Variants in PLEKHA2 observed in about 807,000 individuals in gnomAD.
PLEKHA2 encodes pleckstrin homology domain containing A2, also known as pleckstrin homology domain-containing family A member 2.
PLEKHA2 carries 28 observed loss-of-function variants against 53.2 expected under a neutral mutation model. The ratio of observed to expected loss-of-function variants is 0.53; its 90% CI spans 0.39 to 0.72. PLEKHA2 has a LOEUF of 0.72. PLEKHA2 is among the 30% of genes least tolerant of loss of function. The pLI, the probability that PLEKHA2 is intolerant of heterozygous loss-of-function variation, is 0.00. For missense variants in PLEKHA2, 426 were observed against 537.9 expected (o/e 0.79, Z 2.06); for synonymous variants, 193 against 196.4 (o/e 0.98, Z 0.14).
chr8:38,936,147 G>C, intron 3 of PLEKHA2, 97 bp downstream of exon 3: 1 of 1,331,104 alleles, frequency 7.5e-7, no homozygotes, highest in Non-Finnish European at 1.1e-6. Flanking sequence ...TTAGTATTTA[G>C]GGACGTTGCA....
intron 2 of PLEKHA2, among the ~76,000 whole-genome samples, chr8:38,930,609 T>C (rs1834373898): frequency 1.3e-5 from 2 of 152,124 alleles, no homozygotes; most frequent in South Asian, 4.1e-4. Flanking sequence ...GTAGACTTCC[T>C]CTCGTGGGAT....
intron 10 of PLEKHA2, among the ~76,000 whole-genome samples, chr8:38,964,565 A>G (rs1835098107): frequency 6.6e-6 from 1 of 152,142 alleles, no homozygotes; most frequent in Non-Finnish European, 1.5e-5. Context: ...ATTGTCTTCC[A>G]CAAAACCGAT....
At position 38,927,757 on chromosome 8, in the gene PLEKHA2, G is replaced by A. The variant is rs531213802; in HGVS notation, c.142-8237G>A. ...GATCTCCACCTGTGACATTGTTGCT[G>A]TGAAGAGTAAATAATGTATGTGAGA... is the stretch of plus-strand genomic sequence containing the variant. On this transcript the variant is annotated intron_variant, in intron 2 of 11. Transcript: ENST00000617275. Among the ~76,000 whole-genome samples, 41 of 152,308 alleles carry A rather than the reference G, an allele frequency of 2.7e-4. No homozygotes were observed. The South Asian group carries it at 7.9e-3, about 29-fold the overall frequency.
chr8:38,949,939 G>A (rs569920050), intron 5 of PLEKHA2, among the ~76,000 whole-genome samples: 1 of 152,272 alleles, frequency 6.6e-6, no homozygotes, highest in East Asian at 1.9e-4. Flanking sequence ...AGACTTCATG[G>A]ACCCCTTGTT....
intron 5 of PLEKHA2, among the ~76,000 whole-genome samples, chr8:38,950,357 G>T (rs188177862): frequency 6.6e-6 from 1 of 152,224 alleles, no homozygotes; most frequent in Non-Finnish European, 1.5e-5. Context: ...TACCCTCCAG[G>T]TTGCCGTTTG....
At chr8:38,949,911 C>A (rs1193459171) in intron 5 of PLEKHA2, among the ~76,000 whole-genome samples, 26 of 152,100 alleles carry the variant, frequency 1.7e-4, no homozygotes, top group Admixed American at 1.7e-3. Flanking sequence ...AGGGTTATAC[C>A]ACACATCTTC....
chr8:38,932,508 TC>T (rs1405038214), intron 2 of PLEKHA2, among the ~76,000 whole-genome samples: 1 of 152,092 alleles, frequency 6.6e-6, no homozygotes, highest in Non-Finnish European at 1.5e-5. Flanking sequence ...TGGGCTCCCC[TC>T]CCCAGCTCTG....
At chr8:38,948,879 TTTTTG>T (rs1313343817) in intron 5 of PLEKHA2, among the ~76,000 whole-genome samples, 2 of 152,148 alleles carry the variant, frequency 1.3e-5, no homozygotes, top group Admixed American at 1.3e-4. Context: ...TTTTGTTTTG[TTTTTG>T]TTTTGAAACG....
intron 2 of PLEKHA2, among the ~76,000 whole-genome samples, chr8:38,932,342 A>G (rs964046908): frequency 4.6e-5 from 7 of 152,192 alleles, no homozygotes. Flanking sequence ...TCTGGTGTGC[A>G]CCAAAGTTGG....
chr8:38,968,777 G>C, intron 11 of PLEKHA2, 108 bp downstream of exon 11: 1 of 1,028,586 alleles, frequency 9.7e-7, no homozygotes, highest in African/African-American at 1.6e-5. Flanking sequence ...CCGAGGTGCA[G>C]CTGAAGCCCC....
Position 38,971,330 on chromosome 8 carries a change from C to G in PLEKHA2, c.*1547C>G, listed in dbSNP as rs1049267384. Reference sequence around the variant, plus strand: ...TCCCTTCCCCTGCCTTTCCTATACACGCTGGTGTGCTTTTGCCCTCAGAAA... The same window carrying G: ...TCCCTTCCCCTGCCTTTCCTATACAGGCTGGTGTGCTTTTGCCCTCAGAAA... On this transcript the variant is annotated 3_prime_UTR_variant, in exon 12 of 12. Transcript: ENST00000617275. 6.5e-6 allele frequency: 1 copy of G among 154,170 alleles called. No individual in the cohort carries two copies. Among genetic ancestry groups the G allele is most frequent in the African/African-American group, 2.4e-5 (1 of 41,486 alleles). 9.6% of individuals were successfully genotyped at this position (154,170 alleles called of 1,614,324 possible). A position where few individuals can be genotyped will look rare whatever the true frequency, so the allele number is the denominator to read the frequency against.
intron 2 of PLEKHA2, among the ~76,000 whole-genome samples, chr8:38,930,387 A>G (rs889403467): frequency 2.0e-5 from 3 of 152,028 alleles, no homozygotes; most frequent in Non-Finnish European, 4.4e-5. Context: ...TACTTTTAGT[A>G]GAGAAGGGGT....
intron 3 of PLEKHA2, among the ~76,000 whole-genome samples, chr8:38,942,374 G>T (rs1183742319): frequency 6.6e-6 from 1 of 152,166 alleles, no homozygotes; most frequent in East Asian, 1.9e-4. Flanking sequence ...CTGCACTCCA[G>T]CCTGGGTGAC....
intron 3 of PLEKHA2, among the ~76,000 whole-genome samples, chr8:38,941,718 G>C (rs1478887138): frequency 6.6e-6 from 1 of 152,208 alleles, no homozygotes; most frequent in African/African-American, 2.4e-5. Context: ...AGCAGATTCT[G>C]TGTGGAAGAA....
chr8:38,927,332 C>CAAAAA, intron 2 of PLEKHA2, among the ~76,000 whole-genome samples: 1 of 152,016 alleles, frequency 6.6e-6, no homozygotes, highest in South Asian at 2.1e-4. Context: ...CCCATCTCTA[C>CAAAAA]AAAAAATAAA....
intron 2 of PLEKHA2, among the ~76,000 whole-genome samples, chr8:38,918,899 C>T (rs946516651): frequency 2.0e-5 from 3 of 152,214 alleles, no homozygotes; most frequent in South Asian, 2.1e-4. Context: ...TGCTCTCACA[C>T]GCAGACACCA....
At chr8:38,913,679 C>T (rs1833988777) in intron 1 of PLEKHA2, among the ~76,000 whole-genome samples, 1 of 152,190 alleles carries the variant, frequency 6.6e-6, no homozygotes, top group Admixed American at 6.5e-5. Flanking sequence ...CTGACCCAGC[C>T]CTTCTGGTGG....
intron 2 of PLEKHA2, among the ~76,000 whole-genome samples, chr8:38,923,913 GCGATCTCAGCTCACTGCAACCTCCGC>G (rs1327508616): frequency 1.3e-5 from 2 of 151,976 alleles, no homozygotes; most frequent in East Asian, 3.9e-4. Flanking sequence ...GTGCAGTGGC[GCGATCTCAGCTCACTGCAACCTCCGC>G]CTCCCAGCTT....
intron 3 of PLEKHA2, among the ~76,000 whole-genome samples, chr8:38,938,496 C>T (rs1834538128): frequency 6.6e-6 from 1 of 152,232 alleles, no homozygotes; most frequent in African/African-American, 2.4e-5. Flanking sequence ...CTCTTCCGGC[C>T]ATGGGCAGAC....
Sources: allele counts gnomAD v4.1 joint callset (sites outside exome capture counted in the v4.1 genomes callset), GRCh38; gene constraint gnomAD v4.1.1; transcripts MANE v1.5; gene names NCBI Gene and HGNC (gene_info 2026-07-23, HGNC 2026-07-21).